The following ILDR1 variants were observed in gnomAD, a reference collection of about 807,000 sequenced individuals.
The protein encoded by ILDR1 is immunoglobulin like domain containing receptor 1, also known as immunoglobulin-like domain-containing receptor 1.
A neutral mutation model predicts 62.4 loss-of-function variants in ILDR1; 56 were observed. The ratio of observed to expected loss-of-function variants is 0.90; its 90% confidence interval spans 0.72 to 1.12. The LOEUF (loss-of-function observed/expected upper bound fraction) is 1.12, where lower values mean the gene tolerates loss of function less well. ILDR1 is among the 50% of genes most tolerant of loss of function. The pLI, the probability that ILDR1 is intolerant of heterozygous loss-of-function variation, is 0.00. For synonymous variants in ILDR1, 284 were observed against 277.8 expected, an observed-to-expected ratio of 1.02 and a Z score of -0.22; for missense variants, 736 against 710.6, an observed-to-expected ratio of 1.04 and a Z score of -0.41.
chr3:122,047,510 CA>C, the ILDR1 span, among the ~76,000 whole-genome samples: 3 of 152,356 alleles, frequency 2.0e-5, no homozygotes, highest in South Asian at 6.2e-4. Flanking sequence ...GCCCCTCCCC[CA>C]GCCTCGCTGC....
At chr3:122,002,691 T>G (rs1311036261) in intron 3 of ILDR1, among the ~76,000 whole-genome samples, 1 of 152,114 alleles carries the variant, frequency 6.6e-6, no homozygotes, top group Non-Finnish European at 1.5e-5. Context: ...CCATGGCGGT[T>G]TGCTGCACAG....
At chr3:122,045,410 G>T in the ILDR1 span, among the ~76,000 whole-genome samples, 39,889 of 151,880 alleles carry the variant, frequency 0.26, 6,667 homozygotes, top group Admixed American at 0.46. Flanking sequence ...TTGGGGTGGA[G>T]AGTTCTGTAG....
At chr3:122,042,989 C>T in the ILDR1 span, among the ~76,000 whole-genome samples, 1 of 147,866 alleles carries the variant, frequency 6.8e-6, no homozygotes, top group African/African-American at 2.5e-5. Flanking sequence ...AAGTCCTTGC[C>T]CATGCCTATG....
chr3:122,029,511 A>AATATATAT, the ILDR1 span, among the ~76,000 whole-genome samples: 24 of 139,482 alleles, frequency 1.7e-4, no homozygotes, highest in South Asian at 2.3e-4. Flanking sequence ...GTCTAAAAAA[A>AATATATAT]ATATATATAT....
intron 1 of ILDR1, among the ~76,000 whole-genome samples, chr3:122,008,223 C>T (rs1187910912): frequency 6.6e-6 from 1 of 152,150 alleles, no homozygotes; most frequent in East Asian, 1.9e-4. Flanking sequence ...GGAGATTTTT[C>T]CTTTTAAAAA....
upstream of ILDR1, among the ~76,000 whole-genome samples, chr3:122,024,748 A>T (rs1418579441): frequency 6.6e-6 from 1 of 152,232 alleles, no homozygotes; most frequent in Non-Finnish European, 1.5e-5. Context: ...TAACTTGCTC[A>T]ATGTTACGAT....
In ILDR1 at chr3:122,021,959, A is replaced by G. The variant is rs142183147; in HGVS notation, c.58+61T>C. The G allele has an allele frequency of 4.3e-4, 648 of 1,522,072 alleles. 3 individuals carry two copies. In the African/African-American group the frequency reaches 8.1e-3, roughly 19 times the overall value. The allele number at this position is 1,522,072 out of a possible 1,614,324, so 94.3% of individuals were successfully genotyped here. On this transcript the variant is annotated intron_variant, in intron 1 of 7. Transcript: ENST00000344209. ...TGCCCGCGGCCAGCTCTGCAAGGCC[A>G]CGCCACAATGGCTTCCTGTCTCCTT...
At chr3:121,994,438 G>A in intron 5 of ILDR1, 125 bp from the exon 6 acceptor site, 1 of 1,152,520 alleles carries the variant, frequency 8.7e-7, no homozygotes, top group Non-Finnish European at 1.2e-6. Context: ...CACCTATTTT[G>A]CATGGGAGTA....
the ILDR1 span, chr3:122,055,326 A>G: frequency 1.6e-6 from 1 of 631,344 alleles, no homozygotes; most frequent in African/African-American, 1.8e-5. Context: ...AAAGAGGAAC[A>G]GCTTCTCTTA....
At position 121,988,591 on chromosome 3, in the gene ILDR1, G is replaced by T. The variant is rs185861985; in HGVS notation, c.1600-183C>A. On this transcript the variant is annotated intron_variant, in intron 7 of 7. Coordinates refer to ENST00000344209, the MANE Select transcript of ILDR1 (RefSeq NM_001199799.2). ...AAACCAATCTCTCTCCCCAGGCTTA[G>T]GTTTTTCTTGCTTACCTCTCTAGAG... Among the ~76,000 whole-genome samples the T allele has an allele frequency of 2.6e-5, 4 of 152,274 alleles. No homozygotes were observed. In the East Asian group the frequency reaches 7.7e-4, roughly 29 times the overall value.
At chr3:121,993,125 C>G in intron 7 of ILDR1, 25 bp downstream of exon 7, 1 of 1,539,378 alleles carries the variant, frequency 6.5e-7, no homozygotes, top group African/African-American at 1.4e-5. Context: ...CATGCCCAAC[C>G]CTCAGCAGGA....
chr3:122,029,408 G>A, the ILDR1 span, among the ~76,000 whole-genome samples: 1 of 151,812 alleles, frequency 6.6e-6, no homozygotes, highest in Non-Finnish European at 1.5e-5. Flanking sequence ...TCAGGAGGCT[G>A]AGGCAGGAAA....
chr3:122,001,479 G>A, intron 4 of ILDR1, 25 bp from the exon 5 acceptor site: 1 of 1,613,532 alleles, frequency 6.2e-7, no homozygotes, highest in Non-Finnish European at 8.5e-7. Context: ...CCAAGCAGGG[G>A]TTGAACTAAA....
rs370978987 is a variant in ILDR1 at position 121,993,352 on chromosome 3, C to T, written c.1397G>A (p.Arg466His). The change falls in exon 7 of 8, where the codon CGC (arginine) becomes CAC (histidine). Residue 466 changes from arginine to histidine, a missense_variant. Coordinates refer to ENST00000344209, the MANE Select transcript of ILDR1 (RefSeq NM_001199799.2). ...TQRHGRRRRH[R>H]SYSPPLPSGL... ...GGAGGGCAAGGGAGGAGAGTAGCTG[C>T]GGTGCCTGCGTCGTCTCCCGTGCCT... 20 of 1,609,518 alleles carry T rather than the reference C, an allele frequency of 1.2e-5. No homozygotes were observed. The highest frequency in any genetic ancestry group is 1.1e-4 in the East Asian group (5 of 44,770).
Position 121,993,568 on chromosome 3 carries a change from TC to T in ILDR1, c.1180del (p.Glu394SerfsTer15), listed in dbSNP as rs1419827895. On this transcript the variant is annotated frameshift_variant, in exon 7 of 8. Coordinates refer to ENST00000344209, the MANE Select transcript of ILDR1 (RefSeq NM_001199799.2). LOFTEE classifies it high-confidence loss of function. ...GPKSWALERR[E>X]LDPSWSGRHR... The stretch of plus-strand genomic sequence containing the variant: ...CCTTCCACTCCACGATGGGTCCAAC[TC>T]CCTTCTTTCCAATGCCCAAGACTTT... 1.9e-6 allele frequency: 3 copies of T among 1,614,184 alleles called. No individual in the cohort carries two copies. The South Asian group carries it at 3.3e-5, about 18-fold the overall frequency.
the ILDR1 span, among the ~76,000 whole-genome samples, chr3:122,036,321 G>A: frequency 9.9e-5 from 15 of 152,120 alleles, no homozygotes. Flanking sequence ...TAGGTGTGGT[G>A]GCTCATGCCT....
rs911492468 is a variant in ILDR1, at chr3:121,988,113, A to G, written c.*254T>C. The G allele has an allele frequency of 1.7e-5, 10 of 574,318 alleles. No individual in the cohort carries two copies. Among genetic ancestry groups the G allele is most frequent in the Non-Finnish European group, 3.3e-5 (10 of 306,948 alleles). The allele number at this position is 574,318 out of a possible 1,614,324, so 35.6% of individuals were successfully genotyped here. Reference sequence around the variant, plus strand: ...TTTTTTGTAGAGACGGGGTCTCACTATGTTTCCCAGGCTGATCTTGAACTC... The same window carrying G: ...TTTTTTGTAGAGACGGGGTCTCACTGTGTTTCCCAGGCTGATCTTGAACTC... On this transcript the variant is annotated 3_prime_UTR_variant, in exon 8 of 8. Coordinates refer to ENST00000344209, the MANE Select transcript of ILDR1 (RefSeq NM_001199799.2).
chr3:122,043,245 T>C, the ILDR1 span, among the ~76,000 whole-genome samples: 1 of 151,064 alleles, frequency 6.6e-6, no homozygotes, highest in Non-Finnish European at 1.5e-5. Flanking sequence ...GCGTTATTTC[T>C]GAGGGCTCTG....
At chr3:121,997,432 C>T (rs2071452931) in intron 5 of ILDR1, among the ~76,000 whole-genome samples, 1 of 152,226 alleles carries the variant, frequency 6.6e-6, no homozygotes, top group South Asian at 2.1e-4. Context: ...GGCTTTCCTT[C>T]TTGACCTCTC....
Sources: gnomAD v4.1 joint callset for allele counts (sites outside exome capture counted in the v4.1 genomes callset) on GRCh38, gnomAD v4.1.1 for gene constraint, MANE v1.5 for transcripts, NCBI Gene and HGNC (gene_info 2026-07-23, HGNC 2026-07-21) for gene names.